The following ADAMTSL1 variants were observed in gnomAD, a reference collection of about 807,000 sequenced individuals.
ADAMTSL1 encodes ADAMTS-like protein 1.
A neutral mutation model predicts 201.8 loss-of-function variants in ADAMTSL1; 126 were observed. The observed-to-expected ratio is 0.62, with a 90% CI of 0.54 to 0.72. The LOEUF (loss-of-function observed/expected upper bound fraction) is 0.72, where lower values mean the gene tolerates loss of function less well. Ranked by LOEUF, ADAMTSL1 falls within the 30% of genes least tolerant of loss-of-function variation. The pLI is 0.00. For missense variants in ADAMTSL1, 2,679 were observed against 2,277.8 expected, an observed-to-expected ratio of 1.18 and a Z score of -3.59; for synonymous variants, 1,121 against 903.4, an observed-to-expected ratio of 1.24 and a Z score of -4.32.
chr9:18,662,039 C>A lies in ADAMTSL1; in HGVS notation c.1051C>A (p.Leu351Ile). ...YPENIKPKPKLQECNLDPCPA... is the reference protein window; with the variant it reads ...YPENIKPKPKIQECNLDPCPA... ...AGAGAACATCAAACCCAAACCCAAG[C>A]TTCAGGAGTGCAACTTGGATCCTTG... The change falls in exon 9 of 29, where the codon CTT (leucine) becomes ATT (isoleucine). Residue 351 changes from leucine (L) to isoleucine (I), a missense_variant. Transcript: ENST00000380548. 2 of 1,614,022 alleles carry A rather than the reference C, an allele frequency of 1.2e-6. No homozygotes were observed. Among genetic ancestry groups the A allele is most frequent in the Non-Finnish European group, 1.7e-6 (2 of 1,179,920 alleles).
chr9:18,855,570 C>T (rs1826790432), intron 23 of ADAMTSL1, among the ~76,000 whole-genome samples: 1 of 152,124 alleles, frequency 6.6e-6, no homozygotes, highest in African/African-American at 2.4e-5. Context: ...ATGTCTATAT[C>T]TGTTTAAGAG....
Position 18,121,932 on chromosome 9 carries a change from C to T in ADAMTSL1, c.88-41930C>T, listed in dbSNP as rs144902803. On this transcript the variant is annotated intron_variant, in intron 1 of 29. Transcript: ENST00000680146. ...TACCAATTTCCCATGTCCTCCTCTACCCAGCCCCTAGCCACCACTGACTTA... is the reference window on the plus strand; with the variant it reads ...TACCAATTTCCCATGTCCTCCTCTATCCAGCCCCTAGCCACCACTGACTTA... 2.1e-3 allele frequency among the ~76,000 whole-genome samples: 313 copies of T among 152,242 alleles called. 3 individuals are homozygous for T. The highest frequency in any genetic ancestry group is 6.9e-3 in the African/African-American group (288 of 41,554).
intron 1 of ADAMTSL1, among the ~76,000 whole-genome samples, chr9:18,131,954 G>T (rs1381035686): frequency 6.6e-6 from 1 of 152,130 alleles, no homozygotes; most frequent in Non-Finnish European, 1.5e-5. Context: ...GGAAGAAAGT[G>T]AAATACTTCA....
chr9:18,594,960 T>C (rs1395294771), intron 4 of ADAMTSL1, among the ~76,000 whole-genome samples: 2 of 152,226 alleles, frequency 1.3e-5, no homozygotes, highest in Non-Finnish European at 2.9e-5. Context: ...TCAGAGGGCC[T>C]TCCAGGGATT....
At chr9:18,884,184 T>C (rs1311937037) in intron 23 of ADAMTSL1, among the ~76,000 whole-genome samples, 1 of 152,242 alleles carries the variant, frequency 6.6e-6, no homozygotes, top group African/African-American at 2.4e-5. Context: ...CATCTTTTCA[T>C]GTGTTTATTG....
intron 26 of ADAMTSL1, among the ~76,000 whole-genome samples, chr9:18,893,024 C>G (rs1406862845): frequency 6.6e-6 from 1 of 151,302 alleles, no homozygotes; most frequent in Admixed American, 6.6e-5. Flanking sequence ...CATTTGTGTC[C>G]CAGGTAAGTT....
intron 1 of ADAMTSL1, among the ~76,000 whole-genome samples, chr9:17,951,448 G>A (rs1021350512): frequency 6.6e-6 from 1 of 152,170 alleles, no homozygotes; most frequent in Non-Finnish European, 1.5e-5. Flanking sequence ...AGCTCTGCAG[G>A]GGAGTTTCTC....
At chr9:18,347,728 C>A (rs561219249) in intron 2 of ADAMTSL1, among the ~76,000 whole-genome samples, 1 of 152,110 alleles carries the variant, frequency 6.6e-6, no homozygotes, top group Non-Finnish European at 1.5e-5. Flanking sequence ...TTTGCTCATG[C>A]CATTTATCAC....
At chr9:18,504,416 C>T (rs1461040097) in intron 1 of ADAMTSL1, among the ~76,000 whole-genome samples, 9 of 152,134 alleles carry the variant, frequency 5.9e-5, no homozygotes, top group Non-Finnish European at 8.8e-5. Context: ...TTTTGGGAAG[C>T]AGTTTAGTGT....
chr9:18,007,602 A>T (rs1377857351), intron 1 of ADAMTSL1, among the ~76,000 whole-genome samples: 4 of 152,106 alleles, frequency 2.6e-5, no homozygotes, highest in African/African-American at 9.6e-5. Context: ...TAAGCCCCAG[A>T]GTGCATGATT....
chr9:18,620,258 T>C (rs527802086), intron 4 of ADAMTSL1, among the ~76,000 whole-genome samples: 1 of 152,150 alleles, frequency 6.6e-6, no homozygotes, highest in Admixed American at 6.5e-5. Flanking sequence ...TGTGTCTGTG[T>C]TTTATACCTT....
At chr9:18,084,453 C>T (rs530094298) in intron 1 of ADAMTSL1, among the ~76,000 whole-genome samples, 19 of 151,000 alleles carry the variant, frequency 1.3e-4, no homozygotes, top group East Asian at 7.8e-4. Context: ...ACCCAGGAGG[C>T]GGAGGTTGCA....
Position 18,474,287 on chromosome 9 carries a change from C to T in ADAMTSL1, c.55C>T (p.Leu19=), listed in dbSNP as rs754954111. ...CACACTGCTCCTCTTTCTGGCTTTC[C>T]TGCTCCTGGTAAATGCCTTTTCATT... ...PGTLLLFLAF[L]LLSSRTARSE... The change falls in exon 1 of 29, where the codon CTG becomes TTG. Residue 19 remains leucine (L), a synonymous_variant. Transcript: ENST00000380548. The T allele has an allele frequency of 2.5e-6, 4 of 1,614,088 alleles. No individual in the cohort carries two copies. In the African/African-American group the frequency reaches 4.0e-5, roughly 16 times the overall value.
chr9:18,402,721 T>A (rs1044035150), intron 2 of ADAMTSL1, among the ~76,000 whole-genome samples: 2 of 152,150 alleles, frequency 1.3e-5, no homozygotes, highest in East Asian at 3.9e-4. Flanking sequence ...TGAAATACTT[T>A]CTTGTTCTTC....
At chr9:18,748,958 C>T (rs905227489) in intron 15 of ADAMTSL1, among the ~76,000 whole-genome samples, 2 of 152,146 alleles carry the variant, frequency 1.3e-5, no homozygotes, top group African/African-American at 2.4e-5. Context: ...CTGGTGGCTC[C>T]CGGCACTCTT....
intron 2 of ADAMTSL1, among the ~76,000 whole-genome samples, chr9:18,299,011 CA>C (rs369246364): frequency 1.4e-4 from 20 of 138,310 alleles, no homozygotes; most frequent in South Asian, 2.3e-4. Context: ...GACTCCGTCT[CA>C]AAAAAAAAAA....
At chr9:18,455,978 T>C (rs1820587179) in intron 2 of ADAMTSL1, among the ~76,000 whole-genome samples, 1 of 152,124 alleles carries the variant, frequency 6.6e-6, no homozygotes, top group Non-Finnish European at 1.5e-5. Flanking sequence ...CTAAAAGCCC[T>C]CCCATTTCAA....
intron 9 of ADAMTSL1, among the ~76,000 whole-genome samples, chr9:18,672,465 A>G (rs1284293757): frequency 6.6e-6 from 1 of 152,192 alleles, no homozygotes; most frequent in Non-Finnish European, 1.5e-5. Context: ...TAATCCTAAT[A>G]CCAATAACTA....
intron 2 of ADAMTSL1, among the ~76,000 whole-genome samples, chr9:18,216,871 C>T (rs943350613): frequency 6.6e-6 from 1 of 152,110 alleles, no homozygotes; most frequent in Admixed American, 6.5e-5. Flanking sequence ...GCCACACCAG[C>T]TACGTTGAAA....
Sources: gnomAD v4.1 joint callset for allele counts (sites outside exome capture counted in the v4.1 genomes callset) on GRCh38, gnomAD v4.1.1 for gene constraint, MANE v1.5 for transcripts, NCBI Gene and HGNC (gene_info 2026-07-23, HGNC 2026-07-21) for gene names.